Variants in RNF17 observed in about 807,000 individuals in gnomAD.
RNF17 encodes ring finger protein 17.
RNF17 carries 31 observed loss-of-function variants against 200.5 expected under a neutral mutation model. The ratio of observed to expected loss-of-function variants is 0.15; its 90% CI spans 0.12 to 0.21. The LOEUF is 0.21. Among genes scored for constraint, RNF17 ranks in the 10% least tolerant of loss-of-function variants. The probability of loss-of-function intolerance (pLI) is 1.00; values close to 1 mark genes in which losing one functional copy is unlikely to be tolerated. For missense variants in RNF17, 1,628 were observed against 1,905.1 expected (o/e 0.85, Z 2.71); for synonymous variants, 606 against 637.8 (o/e 0.95, Z 0.75).
rs901616483 is a variant in RNF17 at position 24,799,567 on chromosome 13, A to G, written c.1572A>G (p.Glu524=). The G allele has an allele frequency of 6.2e-7, 1 of 1,601,158 alleles. No homozygotes were observed. The highest frequency in any genetic ancestry group is 1.7e-5 in the Admixed American group (1 of 59,116). Residue 524 remains glutamate, a synonymous_variant, in exon 12 of 36, where the codon GAA becomes GAG. Transcript: ENST00000255324. ...TCATGGTAGATTTTGGAAATTCTGA[A>G]GTCCTGATTGTCACTGGGTATGATA... is the stretch of plus-strand genomic sequence containing the variant. ...QIFMVDFGNS[E]VLIVTGVVDT... is the part of the protein sequence containing the mutation.
At chr13:24,846,958 A>G (rs879498731) in intron 22 of RNF17, among the ~76,000 whole-genome samples, 7 of 152,226 alleles carry the variant, frequency 4.6e-5, no homozygotes, top group African/African-American at 1.7e-4. Flanking sequence ...ATGTTTACCA[A>G]TAAAGCTAAA....
At chr13:24,824,075 C>A in intron 15 of RNF17, 1 of 650,946 alleles carries the variant, frequency 1.5e-6, no homozygotes, top group Admixed American at 2.4e-5. Flanking sequence ...AGACCATTGT[C>A]ATTCTGGGAA....
chr13:24,864,439 T>G (rs1893416399), intron 28 of RNF17, among the ~76,000 whole-genome samples: 1 of 152,212 alleles, frequency 6.6e-6, no homozygotes, highest in South Asian at 2.1e-4. Flanking sequence ...TGAACTTTAT[T>G]CAGAGTTTTA....
rs1013687498 is a variant in RNF17 at position 24,853,982 on chromosome 13, A to T, written c.3448A>T (p.Ile1150Leu). 2 of 1,614,206 alleles carry T rather than the reference A, an allele frequency of 1.2e-6. No homozygotes were observed. Among genetic ancestry groups the T allele is most frequent in the East Asian group, 4.5e-5 (2 of 44,868 alleles). ...NFDPDKKTAD[I>L]ISEQKVSEFQ... ...TGACCCTGACAAGAAAACTGCTGACATAATCAGTGAACAGAAAGTGTCTGA... is the reference window on the plus strand; with the variant it reads ...TGACCCTGACAAGAAAACTGCTGACTTAATCAGTGAACAGAAAGTGTCTGA... The change falls in exon 25 of 36, where the codon ATA becomes TTA. Residue 1150 changes from isoleucine to leucine, a missense_variant. Physicochemically the swap from Ile to Leu is conservative, Grantham distance 5 (BLOSUM62 2). Around this residue, in one of 5 missense-constraint regions of RNF17, gnomAD observed 609 missense variants for 681.9 expected, o/e 0.89. Coordinates refer to ENST00000255324, the MANE Select transcript of RNF17 (RefSeq NM_031277.3).
At chr13:24,763,375 T>TTC (rs1462511554), upstream of RNF17, among the ~76,000 whole-genome samples, 1 of 147,172 alleles carries the variant, frequency 6.8e-6, no homozygotes, top group African/African-American at 2.5e-5. Context: ...GCTAATTTTT[T>TTC]TTTTTTTTTT....
chr13:24,801,030 G>C (rs1885189838), intron 13 of RNF17, among the ~76,000 whole-genome samples: 1 of 152,146 alleles, frequency 6.6e-6, no homozygotes, highest in South Asian at 2.1e-4. Flanking sequence ...GTCTGTCTTT[G>C]CTCATCGTTG....
intron 11 of RNF17, among the ~76,000 whole-genome samples, chr13:24,797,705 A>AGTGCGTGTGTGT (rs1555269364): frequency 6.7e-5 from 8 of 119,048 alleles, no homozygotes; most frequent in South Asian, 3.0e-4. Context: ...AGAGACAAAG[A>AGTGCGTGTGTGT]GTGTGTGTGT....
At chr13:24,835,674 G>A (rs186507698) in intron 18 of RNF17, among the ~76,000 whole-genome samples, 310 of 152,316 alleles carry the variant, frequency 2.0e-3, no homozygotes, top group African/African-American at 7.2e-3. Context: ...CTGAACGACA[G>A]TCTTCAGCCC....
chr13:24,886,968 G>A, the RNF17 span, among the ~76,000 whole-genome samples: 1 of 152,238 alleles, frequency 6.6e-6, no homozygotes, highest in Middle Eastern at 3.4e-3. Context: ...GGCATAGACA[G>A]GCTCCAGGTG....
At chr13:24,773,508 G>A (rs1011993429) in intron 2 of RNF17, among the ~76,000 whole-genome samples, 70 of 152,090 alleles carry the variant, frequency 4.6e-4, no homozygotes, top group African/African-American at 1.6e-3. Flanking sequence ...TTGGCCACAC[G>A]TGGACATAAA....
intron 15 of RNF17, among the ~76,000 whole-genome samples, chr13:24,816,205 A>AT (rs1426327585): frequency 2.0e-5 from 3 of 152,038 alleles, no homozygotes; most frequent in African/African-American, 7.2e-5. Context: ...TGCTGCATTG[A>AT]TTTTCATATG....
At chr13:24,861,173 C>G in intron 26 of RNF17, 95 bp from the exon 27 acceptor site, 2 of 1,063,842 alleles carry the variant, frequency 1.9e-6, no homozygotes, top group Non-Finnish European at 1.3e-6. Flanking sequence ...GCCATCAAGC[C>G]CGGCCTGTCT....
rs1412138953 is a variant in RNF17 at position 24,877,152 on chromosome 13, G to A, written c.4739G>A (p.Cys1580Tyr). The change falls in exon 34 of 36, where the codon TGT (cysteine) becomes TAT (tyrosine). Residue 1580 changes from cysteine (C) to tyrosine (Y), a missense_variant. Around this residue, in one of 5 missense-constraint regions of RNF17, gnomAD observed 609 missense variants for 681.9 expected, o/e 0.89. Coordinates refer to ENST00000255324, the MANE Select transcript of RNF17 (RefSeq NM_031277.3). ...GAGGCACTGTGGGCTATGATAGACT[G>A]TCTTCAAGGAAAACAACTCTATGCT... The part of the protein sequence containing the change: ...SMEALWAMID[C>Y]LQGKQLYAVS... The A allele has an allele frequency of 1.9e-6, 3 of 1,613,134 alleles. No individual in the cohort carries two copies. In the South Asian group the frequency reaches 3.3e-5, roughly 18 times the overall value.
intron 32 of RNF17, among the ~76,000 whole-genome samples, chr13:24,872,441 A>G (rs1401273441): frequency 6.6e-6 from 1 of 152,212 alleles, no homozygotes; most frequent in African/African-American, 2.4e-5. Flanking sequence ...ACTGAGGCGC[A>G]TGCCATCACT....
At chr13:24,875,558 G>A (rs1894775355) in intron 33 of RNF17, among the ~76,000 whole-genome samples, 1 of 152,194 alleles carries the variant, frequency 6.6e-6, no homozygotes, top group Admixed American at 6.5e-5. Context: ...TCCACTCAAT[G>A]GGTGCCAAAC....
intron 3 of RNF17, among the ~76,000 whole-genome samples, chr13:24,778,010 C>G (rs1015961025): frequency 6.6e-6 from 1 of 151,970 alleles, no homozygotes; most frequent in Non-Finnish European, 1.5e-5. Flanking sequence ...ACCTATAATC[C>G]CAGCACTTTG....
chr13:24,759,461 A>G (rs1227996379), upstream of RNF17, among the ~76,000 whole-genome samples: 1 of 152,262 alleles, frequency 6.6e-6, no homozygotes. Flanking sequence ...TCAAGGTATT[A>G]TGCCTCCAGC....
chr13:24,880,625 A>G (rs1006365399), downstream of RNF17, among the ~76,000 whole-genome samples: 4 of 152,202 alleles, frequency 2.6e-5, no homozygotes, highest in African/African-American at 7.2e-5. Context: ...ATCTGTGTAC[A>G]TAATTTATCC....
At chr13:24,882,429 G>GT (rs1331335485), downstream of RNF17, 2 of 151,994 alleles carry the variant, frequency 1.3e-5, no homozygotes, top group East Asian at 3.9e-4. Context: ...AAGTAAGTAA[G>GT]TAAGTGACTT....
Sources: allele counts gnomAD v4.1 joint callset (sites outside exome capture counted in the v4.1 genomes callset), GRCh38; gene constraint gnomAD v4.1.1; regional missense constraint gnomAD v4.1.1; transcripts MANE v1.5; gene names NCBI Gene and HGNC (gene_info 2026-07-23, HGNC 2026-07-21).